The following CHMP5 variants were observed in gnomAD, a reference collection of about 807,000 sequenced individuals.
CHMP5 encodes SNF7 domain containing 2.
In CHMP5, 17 loss-of-function variants were observed where a neutral mutation model predicts 33.0. The observed-to-expected ratio is 0.52, with a 90% confidence interval of 0.35 to 0.77. CHMP5 has a LOEUF of 0.77. CHMP5 is among the 30% of genes least tolerant of loss of function. The pLI is 0.01. For synonymous variants in CHMP5, 76 were observed against 90.2 expected, an observed-to-expected ratio of 0.84 and a Z score of 0.89; for missense variants, 216 against 261.5, an observed-to-expected ratio of 0.83 and a Z score of 1.20.
intron 7 of CHMP5, among the ~76,000 whole-genome samples, chr9:33,279,180 C>T (rs924830495): frequency 1.3e-5 from 2 of 152,306 alleles, no homozygotes; most frequent in Non-Finnish European, 1.5e-5. Context: ...CTGCCTCAGC[C>T]TTCCAAAGTG....
chr9:33,272,393 C>CA (rs10710870), intron 5 of CHMP5, among the ~76,000 whole-genome samples: 188 of 125,070 alleles, frequency 1.5e-3, no homozygotes, highest in African/African-American at 4.5e-3. Context: ...GGAGATAAAG[C>CA]AAAAAAAAAA....
Position 33,278,098 on chromosome 9 carries a change from C to G in CHMP5, c.497-15C>G. 2 of 1,525,234 alleles carry G rather than the reference C, an allele frequency of 1.3e-6. No homozygotes were observed. Among genetic ancestry groups the G allele is most frequent in the Non-Finnish European group, 1.8e-6 (2 of 1,107,888 alleles). 94.5% of individuals were successfully genotyped at this position (1,525,234 alleles called of 1,614,324 possible). ...TGGTTACATTTTTTTTAAATGTTGACTGTTTCAATCTCAGAGTTGGATGCA... is the reference window on the plus strand; with the variant it reads ...TGGTTACATTTTTTTTAAATGTTGAGTGTTTCAATCTCAGAGTTGGATGCA... On this transcript the variant is annotated splice_polypyrimidine_tract_variant and intron_variant, in intron 6 of 7. Coordinates refer to ENST00000223500, the MANE Select transcript of CHMP5 (RefSeq NM_016410.6).
rs369430234 is a variant in CHMP5, at chr9:33,270,392, A to T, written c.222-231A>T. 6.6e-5 allele frequency among the ~76,000 whole-genome samples: 10 copies of T among 152,252 alleles called. 1 individual carries two copies. The South Asian group carries it at 2.1e-3, about 31-fold the overall frequency. On this transcript the variant is annotated intron_variant, in intron 3 of 7. Coordinates refer to ENST00000223500, the MANE Select transcript of CHMP5 (RefSeq NM_016410.6). ...TTCTCAGAACATATCCCCATTGTTAAGCGATGCATGACTGTACATGCAAAG... is the reference window on the plus strand; with the variant it reads ...TTCTCAGAACATATCCCCATTGTTATGCGATGCATGACTGTACATGCAAAG...
In CHMP5 at chr9:33,270,766, T is replaced by C. The variant is rs779297347; in HGVS notation, c.315+50T>C. The C allele has an allele frequency of 5.6e-6, 8 of 1,426,664 alleles. 1 individual carries two copies. In the South Asian group the frequency reaches 8.1e-5, roughly 14 times the overall value. The allele number at this position is 1,426,664 out of a possible 1,614,324, so 88.4% of individuals were successfully genotyped here. On this transcript the variant is annotated intron_variant, in intron 4 of 7. Transcript: ENST00000223500. ...TTATTTCATGTATTTATTCTTATTCTCTTTTCCGATGGCTTTTTAAAGACA... is the reference window on the plus strand; with the variant it reads ...TTATTTCATGTATTTATTCTTATTCCCTTTTCCGATGGCTTTTTAAAGACA...
At chr9:33,266,158 A>G in intron 2 of CHMP5, 44 bp downstream of exon 2, 1 of 1,329,488 alleles carries the variant, frequency 7.5e-7, no homozygotes. Context: ...GGCAGAGCCT[A>G]GTTTTAGCAC....
chr9:33,279,811 C>T (rs140055426), intron 7 of CHMP5, among the ~76,000 whole-genome samples: 217 of 143,152 alleles, frequency 1.5e-3, no homozygotes, highest in African/African-American at 5.4e-3. Context: ...TGCAGTGAGC[C>T]GAGGTCGTGC....
At chr9:33,279,407 T>C (rs1452809222) in intron 7 of CHMP5, among the ~76,000 whole-genome samples, 4 of 152,134 alleles carry the variant, frequency 2.6e-5, no homozygotes, top group Non-Finnish European at 5.9e-5. Context: ...CCTTCCCTTC[T>C]CTGTTGAGCC....
chr9:33,274,334 A>G (rs1156586684), intron 5 of CHMP5, among the ~76,000 whole-genome samples: 1 of 152,178 alleles, frequency 6.6e-6, no homozygotes, highest in Non-Finnish European at 1.5e-5. Context: ...TTTGCCTCCC[A>G]GAGTGCTTGG....
rs183400147 is a variant in CHMP5 at position 33,274,320 on chromosome 9, C to T, written c.388-2136C>T. On this transcript the variant is annotated intron_variant, in intron 5 of 7. Transcript: ENST00000223500. Reference sequence around the variant, plus strand: ...AACTCCTGAGCTCAAGTGATCCGCCCTCTTTTGCCTCCCAGAGTGCTTGGA... The same window carrying T: ...AACTCCTGAGCTCAAGTGATCCGCCTTCTTTTGCCTCCCAGAGTGCTTGGA... Among the ~76,000 whole-genome samples, 9 of 152,278 alleles carry T rather than the reference C, an allele frequency of 5.9e-5. No homozygotes were observed. The East Asian group carries it at 1.7e-3, about 29-fold the overall frequency.
chr9:33,268,206 T>G (rs1364262902), intron 3 of CHMP5, among the ~76,000 whole-genome samples: 1 of 152,252 alleles, frequency 6.6e-6, no homozygotes, highest in Admixed American at 6.5e-5. Flanking sequence ...TTAAATTTTA[T>G]TCAATTTAAA....
chr9:33,265,120 GC>G lies in CHMP5; in HGVS notation c.45del (p.Ser16AlafsTer2). ...FGKAKPKAPP[P>X]SLTDCIGTVD... ...GGAAAGCGAAACCCAAGGCTCCGCC[GC>G]CCAGCCTGACTGACTGCATTGGCAC... On this transcript the variant is annotated frameshift_variant, in exon 1 of 8. Transcript: ENST00000223500. LOFTEE classifies it high-confidence loss of function. 6.2e-7 allele frequency: 1 copy of G among 1,614,144 alleles called. No homozygotes were observed. The highest frequency in any genetic ancestry group is 2.2e-5 in the East Asian group (1 of 44,880).
chr9:33,265,133 G>A lies in CHMP5; in HGVS notation c.55G>A (p.Asp19Asn). Residue 19 changes from aspartate to asparagine, a missense_variant, in exon 1 of 8, where the codon GAC (aspartate) becomes AAC (asparagine). By Grantham distance (23) the Asp-to-Asn change is conservative (BLOSUM62 1). Transcript: ENST00000223500. ...KPKAPPPSLT[D>N]CIGTVDSRAE... ...CAAGGCTCCGCCGCCCAGCCTGACT[G>A]ACTGCATTGGCACGGTGGGCATTTG... 2.5e-6 allele frequency: 4 copies of A among 1,614,130 alleles called. No individual in the cohort carries two copies. The highest frequency in any genetic ancestry group is 3.4e-6 in the Non-Finnish European group (4 of 1,180,016).
At chr9:33,277,188 C>A (rs1245234123) in intron 6 of CHMP5, among the ~76,000 whole-genome samples, 20 of 110,526 alleles carry the variant, frequency 1.8e-4, no homozygotes, top group Admixed American at 5.0e-4. Flanking sequence ...GAGACCTTCT[C>A]TCAAAAAAAA....
At chr9:33,278,255 G>A in intron 7 of CHMP5, 30 bp downstream of exon 7, 1 of 1,278,578 alleles carries the variant, frequency 7.8e-7, no homozygotes, top group Non-Finnish European at 1.1e-6. Flanking sequence ...ATATTTCAAT[G>A]CAAAATAGCA....
At chr9:33,271,926 G>A (rs1201857256) in intron 5 of CHMP5, among the ~76,000 whole-genome samples, 3 of 152,212 alleles carry the variant, frequency 2.0e-5, no homozygotes, top group Non-Finnish European at 4.4e-5. Context: ...TCCCAGGATT[G>A]TCATGAGTGT....
At chr9:33,267,108 A>G (rs112619978) in intron 2 of CHMP5, among the ~76,000 whole-genome samples, 5 of 152,390 alleles carry the variant, frequency 3.3e-5, no homozygotes, top group African/African-American at 9.6e-5. Context: ...AGGATAAAGT[A>G]GTACTCAGTA....
Position 33,265,113 on chromosome 9 carries a change from C to G in CHMP5, c.35C>G (p.Ala12Gly). 1 of 1,614,210 alleles carries G rather than the reference C, an allele frequency of 6.2e-7. No homozygotes were observed. The highest frequency in any genetic ancestry group is 2.2e-5 in the East Asian group (1 of 44,888). The change falls in exon 1 of 8, where the codon GCT becomes GGT. Residue 12 changes from alanine to glycine, a missense_variant. Coordinates refer to ENST00000223500, the MANE Select transcript of CHMP5 (RefSeq NM_016410.6). ...CTCTTCGGGAAAGCGAAACCCAAGG[C>G]TCCGCCGCCCAGCCTGACTGACTGC... ...NRLFGKAKPK[A>G]PPPSLTDCIG...
rs1587795675 is a variant in CHMP5, at chr9:33,266,093, G to A, written c.153G>A (p.Lys51=). The A allele has an allele frequency of 1.2e-6, 2 of 1,612,388 alleles. No homozygotes were observed. The highest frequency in any genetic ancestry group is 2.7e-5 in the African/African-American group (2 of 75,018). ...ELVKYKDQIK[K]MREGPAKNMV... ...TGAAGTATAAGGATCAGATCAAGAA[G>A]ATGAGAGAGGGTCCTGCAAAGGTAA... The change falls in exon 2 of 8, where the codon AAG becomes AAA. Residue 51 remains lysine (K), a synonymous_variant. Transcript: ENST00000223500.
chr9:33,265,227 T>C, intron 1 of CHMP5, 80 bp downstream of exon 1: 2 of 1,320,440 alleles, frequency 1.5e-6, no homozygotes, highest in Non-Finnish European at 1.1e-6. Context: ...CGGGCCCATA[T>C]TCTTCCACTT....
Sources: allele counts gnomAD v4.1 joint callset (sites outside exome capture counted in the v4.1 genomes callset), GRCh38; gene constraint gnomAD v4.1.1; transcripts MANE v1.5; gene names NCBI Gene and HGNC (gene_info 2026-07-23, HGNC 2026-07-21).